The following SEC23IP variants were observed in gnomAD, a reference collection of about 807,000 sequenced individuals.
SEC23IP encodes the protein SEC23 interacting protein, also known as SEC23-interacting protein.
SEC23IP carries 70 observed loss-of-function variants against 113.4 expected under a neutral mutation model. That is an observed-to-expected ratio of 0.62 (90% CI 0.51 to 0.75). SEC23IP has a LOEUF of 0.75. Ranked by LOEUF, SEC23IP falls within the 30% of genes least tolerant of loss-of-function variation. The probability of loss-of-function intolerance (pLI) is 0.00; values close to 1 mark genes in which losing one functional copy is unlikely to be tolerated. For missense variants in SEC23IP, 1,160 were observed against 1,204.9 expected (o/e 0.96, Z 0.55); for synonymous variants, 398 against 421.0 (o/e 0.95, Z 0.67).
Position 119,902,856 on chromosome 10 carries a change from C to A in SEC23IP, c.754C>A (p.Pro252Thr). 5 of 1,614,204 alleles carry A rather than the reference C, an allele frequency of 3.1e-6. No homozygotes were observed. Among genetic ancestry groups the A allele is most frequent in the Non-Finnish European group, 4.2e-6 (5 of 1,180,042 alleles). Residue 252 changes from proline to threonine, a missense_variant, in exon 3 of 19, where the codon CCC (proline) becomes ACC (threonine). Coordinates refer to ENST00000369075, the MANE Select transcript of SEC23IP (RefSeq NM_007190.4). ...GCAGGTACCTGCCAGACCTGGGGCT[C>A]CCTCTGTTCAAGTGCCATCTCCTTT... ...QQQVPARPGA[P>T]SVQVPSPFLL... is the part of the protein sequence containing the mutation.
intron 12 of SEC23IP, among the ~76,000 whole-genome samples, chr10:119,922,716 T>A (rs1463756303): frequency 6.6e-6 from 1 of 152,154 alleles, no homozygotes; most frequent in Non-Finnish European, 1.5e-5. Flanking sequence ...AGTATTTGAT[T>A]AAGTGCTGAG....
rs370151201 is a variant in SEC23IP at position 119,892,803 on chromosome 10, C to G, written c.21C>G (p.Asn7Lys). The G allele has an allele frequency of 6.2e-7, 1 of 1,611,670 alleles. No individual in the cohort carries two copies. The highest frequency in any genetic ancestry group is 8.5e-7 in the Non-Finnish European group (1 of 1,179,020). ...CAGCCATGGCCGAGAGAAAACCTAA[C>G]GGTGGCAGCGGCGGCGCCTCCACTT... is the stretch of plus-strand genomic sequence containing the variant. MAERKP[N>K]GGSGGASTSS... The change falls in exon 1 of 19, where the codon AAC (asparagine) becomes AAG (lysine). Residue 7 changes from asparagine to lysine, a missense_variant. Coordinates refer to ENST00000369075, the MANE Select transcript of SEC23IP (RefSeq NM_007190.4).
intron 18 of SEC23IP, among the ~76,000 whole-genome samples, chr10:119,938,098 C>T (rs1855854047): frequency 6.6e-6 from 1 of 150,542 alleles, no homozygotes; most frequent in Non-Finnish European, 1.5e-5. Context: ...TGAGACCAGC[C>T]TGGGCAACAT....
intron 6 of SEC23IP, 108 bp downstream of exon 6, chr10:119,912,272 C>A: frequency 8.7e-7 from 1 of 1,150,880 alleles, no homozygotes; most frequent in Non-Finnish European, 1.2e-6. Context: ...CCTGCCACAG[C>A]AGCCATTGCA....
chr10:119,914,477 C>T (rs1014659508), intron 6 of SEC23IP: 6 of 455,266 alleles, frequency 1.3e-5, no homozygotes, highest in Non-Finnish European at 2.4e-5. Context: ...ACCTGCTGCT[C>T]ATCATGTGCT....
At chr10:119,904,001 T>C in intron 3 of SEC23IP, 83 bp from the exon 4 acceptor site, 2 of 1,437,190 alleles carry the variant, frequency 1.4e-6, no homozygotes, top group East Asian at 2.3e-5. Flanking sequence ...ATTACAGGCA[T>C]GAGCCACTGC....
intron 10 of SEC23IP, 48 bp downstream of exon 10, chr10:119,918,559 G>C (rs1855131115): frequency 9.4e-7 from 1 of 1,065,160 alleles, no homozygotes; most frequent in Non-Finnish European, 1.4e-6. Flanking sequence ...AGTCTATGGA[G>C]CTGAACAATT....
intron 5 of SEC23IP, among the ~76,000 whole-genome samples, chr10:119,910,490 CATTT>C (rs1392476829): frequency 6.6e-6 from 1 of 152,042 alleles, no homozygotes; most frequent in African/African-American, 2.4e-5. Context: ...TTTATTTATT[CATTT>C]GTTTTTATAG....
intron 12 of SEC23IP, among the ~76,000 whole-genome samples, chr10:119,921,785 C>T (rs930422243): frequency 6.6e-6 from 1 of 152,108 alleles, no homozygotes; most frequent in Non-Finnish European, 1.5e-5. Context: ...TTAGATGACT[C>T]TTAGGGTGGC....
chr10:119,898,170 A>T (rs994932539), intron 1 of SEC23IP: 10 of 438,470 alleles, frequency 2.3e-5, no homozygotes, highest in Non-Finnish European at 3.7e-5. Flanking sequence ...TAACAGCGTG[A>T]TTGTCTCTGG....
At position 119,918,597 on chromosome 10, in the gene SEC23IP, CTTTTG is replaced by C. The variant is rs983757645; in HGVS notation, c.1872+90_1872+94del. On this transcript the variant is annotated intron_variant, in intron 10 of 18. Coordinates refer to ENST00000369075, the MANE Select transcript of SEC23IP (RefSeq NM_007190.4). ...CAAAAGTCTGAACTGTTTCTTGAAA[CTTTTG>C]TTTGTTTGTTTGTTTGTTTGTTTGT... 1.4e-5 allele frequency: 10 copies of C among 732,790 alleles called. No homozygotes were observed. The Admixed American group carries it at 1.4e-4, about 10-fold the overall frequency. The allele number at this position is 732,790 out of a possible 1,614,324, so 45.4% of individuals were successfully genotyped here. A position where few individuals can be genotyped will look rare whatever the true frequency, so the allele number is the denominator to read the frequency against.
intron 6 of SEC23IP, among the ~76,000 whole-genome samples, chr10:119,913,154 A>G (rs963347146): frequency 1.1e-4 from 16 of 152,236 alleles, no homozygotes; most frequent in Admixed American, 7.9e-4. Flanking sequence ...TAGTTCCTAC[A>G]TATGAGTGAG....
intron 4 of SEC23IP, among the ~76,000 whole-genome samples, chr10:119,907,556 T>A (rs1854716582): frequency 6.6e-6 from 1 of 152,180 alleles, no homozygotes; most frequent in Non-Finnish European, 1.5e-5. Context: ...CGCTTGTTCT[T>A]TATAGAAACT....
At chr10:119,931,648 G>C (rs1268275922) in intron 15 of SEC23IP, among the ~76,000 whole-genome samples, 2 of 151,702 alleles carry the variant, frequency 1.3e-5, no homozygotes, top group South Asian at 2.1e-4. Flanking sequence ...TGCCTCCCGG[G>C]TTCATGCCAT....
chr10:119,917,772 TAA>T, intron 8 of SEC23IP, 62 bp from the exon 9 acceptor site: 1 of 1,305,604 alleles, frequency 7.7e-7, no homozygotes, highest in Non-Finnish European at 1.1e-6. Context: ...ATCTAAACTT[TAA>T]AAAAATCTGT....
At chr10:119,929,884 A>T (rs944025672) in intron 14 of SEC23IP, 122 bp downstream of exon 14, 1 of 633,602 alleles carries the variant, frequency 1.6e-6, no homozygotes, top group Admixed American at 3.1e-5. Context: ...CCTGGCCTCA[A>T]GTGATCCTTC....
chr10:119,900,816 T>C (rs1018558587), intron 2 of SEC23IP, among the ~76,000 whole-genome samples: 4 of 152,184 alleles, frequency 2.6e-5, no homozygotes, highest in African/African-American at 9.6e-5. Context: ...TTTAAAATCG[T>C]TTTTGTAGAA....
intron 3 of SEC23IP, among the ~76,000 whole-genome samples, chr10:119,903,745 A>G (rs561370424): frequency 3.2e-4 from 48 of 152,192 alleles, no homozygotes; most frequent in South Asian, 8.3e-4. Flanking sequence ...TTTTCTTGAG[A>G]CAGAGTCTCA....
chr10:119,901,164 T>C (rs1047001502), intron 2 of SEC23IP, among the ~76,000 whole-genome samples: 4 of 151,610 alleles, frequency 2.6e-5, no homozygotes, highest in Admixed American at 1.3e-4. Flanking sequence ...TGCCCCACCA[T>C]GTCCGTGTGA....
Sources: gnomAD v4.1 joint callset for allele counts (sites outside exome capture counted in the v4.1 genomes callset) on GRCh38, gnomAD v4.1.1 for gene constraint, MANE v1.5 for transcripts, NCBI Gene and HGNC (gene_info 2026-07-23, HGNC 2026-07-21) for gene names.